Variants in DIAPH2 observed in about 807,000 individuals in gnomAD.
DIAPH2 encodes the protein protein diaphanous homolog 2.
A neutral mutation model predicts 92.7 loss-of-function variants in DIAPH2; 35 were observed. That is an observed-to-expected ratio of 0.38 (90% confidence interval 0.29 to 0.50). The LOEUF (loss-of-function observed/expected upper bound fraction) is 0.50, where lower values mean the gene tolerates loss of function less well. Among genes scored for constraint, DIAPH2 ranks in the 20% least tolerant of loss-of-function variants. The pLI is 0.94. For missense variants in DIAPH2, 701 were observed against 819.5 expected (o/e 0.86, Z 1.77); for synonymous variants, 301 against 280.4 (o/e 1.07, Z -0.73).
intron 22 of DIAPH2, among the ~76,000 whole-genome samples, chrX:97,187,239 G>T (rs1488842447): frequency 9.8e-6 from 1 of 101,626 alleles, no homozygotes; most frequent in Non-Finnish European, 2.0e-5. Context: ...ATGTATTAGA[G>T]GAAGGAGTAG....
chrX:97,238,655 C>T (rs1401673447), intron 22 of DIAPH2, among the ~76,000 whole-genome samples: 1 of 108,596 alleles, frequency 9.2e-6, no homozygotes, highest in African/African-American at 3.4e-5. Flanking sequence ...TACCATTTAC[C>T]GTTTATTTTC....
chrX:97,300,617 TAA>T (rs11325055), intron 23 of DIAPH2, among the ~76,000 whole-genome samples: 5,773 of 88,452 alleles, frequency 0.065, 213 homozygotes, highest in African/African-American at 0.14. Flanking sequence ...AAAGCTTATT[TAA>T]AAAAAAAAAA....
intron 4 of DIAPH2, among the ~76,000 whole-genome samples, chrX:96,837,433 CTGTG>C (rs1168572857): frequency 1.5e-4 from 6 of 41,334 alleles, no homozygotes; most frequent in Non-Finnish European, 1.9e-4. Context: ...CTCTCTCTCT[CTGTG>C]TGTGTGTGTG....
intron 4 of DIAPH2, among the ~76,000 whole-genome samples, chrX:96,808,591 C>G (rs2064648476): frequency 8.9e-6 from 1 of 111,746 alleles, no homozygotes; most frequent in Non-Finnish European, 1.9e-5. Flanking sequence ...CTATTCTAAA[C>G]ATTTTTATTA....
intron 1 of DIAPH2, among the ~76,000 whole-genome samples, chrX:96,708,514 A>C: frequency 9.1e-6 from 1 of 110,356 alleles, no homozygotes; most frequent in East Asian, 2.9e-4. Flanking sequence ...TGCTGGGATT[A>C]GAGGCGTGAG....
intron 22 of DIAPH2, among the ~76,000 whole-genome samples, chrX:97,170,599 G>C (rs1277107628): frequency 2.7e-5 from 3 of 111,411 alleles, no homozygotes; most frequent in African/African-American, 9.8e-5. Context: ...TTGGTAATAA[G>C]AAGTATTTTC....
chrX:97,040,646 T>C (rs2066442617), intron 17 of DIAPH2, among the ~76,000 whole-genome samples: 1 of 111,146 alleles, frequency 9.0e-6, no homozygotes, highest in Admixed American at 9.6e-5. Flanking sequence ...GTTTTTCTCC[T>C]CTGTCTTTTG....
intron 5 of DIAPH2, among the ~76,000 whole-genome samples, chrX:96,882,107 G>A (rs372380584): frequency 1.8e-5 from 2 of 109,081 alleles, no homozygotes; most frequent in South Asian, 8.0e-4. Flanking sequence ...CTGGAGTGCA[G>A]TGGCACGATC....
In DIAPH2 at chrX:96,692,105, TTAA is replaced by T. The variant is rs766644185; in HGVS notation, c.132+6917_132+6919del. Among the ~76,000 whole-genome samples the T allele has an allele frequency of 4.2e-3, 472 of 112,096 alleles. 1 individual carries two copies. Among genetic ancestry groups the T allele is most frequent in the Middle Eastern group, 0.014 (3 of 213 alleles). Reference sequence around the variant, plus strand: ...TTTTAAACTTCATAATATGAGCCAGTTAATGAGACTTTTTTACAAAACTTAAAC... The same window carrying T: ...TTTTAAACTTCATAATATGAGCCAGTTGAGACTTTTTTACAAAACTTAAAC... On this transcript the variant is annotated intron_variant, in intron 1 of 26. Transcript: ENST00000324765.
chrX:97,360,740 A>G (rs1336115199), intron 24 of DIAPH2, among the ~76,000 whole-genome samples: 1 of 112,506 alleles, frequency 8.9e-6, no homozygotes, highest in Non-Finnish European at 1.9e-5. Context: ...AAAAACTTGA[A>G]ACTTTATTTT....
chrX:97,035,077 T>A (rs1487308063), intron 17 of DIAPH2, among the ~76,000 whole-genome samples: 1 of 111,912 alleles, frequency 8.9e-6, no homozygotes, highest in Non-Finnish European at 1.9e-5. Flanking sequence ...GAGGAAGGAA[T>A]CATAGGCCTT....
chrX:97,380,469 A>C (rs747672631), intron 24 of DIAPH2, among the ~76,000 whole-genome samples: 11 of 111,326 alleles, frequency 9.9e-5, no homozygotes, highest in African/African-American at 3.3e-4. Context: ...TATTTAGGGG[A>C]TTTTCTTAAC....
At chrX:97,290,126 C>G (rs1337275801) in intron 23 of DIAPH2, among the ~76,000 whole-genome samples, 1 of 106,721 alleles carries the variant, frequency 9.4e-6, no homozygotes, top group Non-Finnish European at 1.9e-5. Flanking sequence ...CATGGGTTAT[C>G]AAAACTTAGT....
intron 4 of DIAPH2, among the ~76,000 whole-genome samples, chrX:96,862,959 G>A (rs940630791): frequency 4.5e-5 from 5 of 110,839 alleles, no homozygotes; most frequent in African/African-American, 1.3e-4. Context: ...TATGAGAAAC[G>A]CTTTATGGGG....
At chrX:97,570,090 ATATATAT>A (rs1429535643) in intron 26 of DIAPH2, among the ~76,000 whole-genome samples, 3 of 28,553 alleles carry the variant, frequency 1.1e-4, no homozygotes, top group Non-Finnish European at 2.0e-4. Flanking sequence ...ATATATATAT[ATATATAT>A]ATATATATAT....
intron 9 of DIAPH2, among the ~76,000 whole-genome samples, chrX:96,919,784 T>C (rs2065529310): frequency 2.7e-5 from 3 of 111,496 alleles, no homozygotes; most frequent in African/African-American, 9.7e-5. Context: ...TGTTGAAGGA[T>C]CTTTGTTAAT....
intron 22 of DIAPH2, among the ~76,000 whole-genome samples, chrX:97,194,428 C>G (rs1340397865): frequency 9.1e-6 from 1 of 109,518 alleles, no homozygotes; most frequent in Non-Finnish European, 1.9e-5. Context: ...ACTACAGGCA[C>G]CCGCCACCAA....
intron 23 of DIAPH2, among the ~76,000 whole-genome samples, chrX:97,263,177 T>C (rs758204197): frequency 4.9e-4 from 55 of 112,310 alleles, no homozygotes; most frequent in African/African-American, 1.6e-3. Flanking sequence ...TAGATTTTTT[T>C]CCTCTATCAT....
intron 4 of DIAPH2, among the ~76,000 whole-genome samples, chrX:96,871,162 ACTTT>A (rs1186843932): frequency 9.0e-6 from 1 of 111,636 alleles, no homozygotes; most frequent in Non-Finnish European, 1.9e-5. Context: ...ACATACATGA[ACTTT>A]CTTTATTTAA....
Sources: allele counts gnomAD v4.1 joint callset (sites outside exome capture counted in the v4.1 genomes callset), GRCh38; gene constraint gnomAD v4.1.1; transcripts MANE v1.5; gene names NCBI Gene and HGNC (gene_info 2026-07-23, HGNC 2026-07-21).